LPA: variants seen among roughly 807,000 people sequenced by gnomAD.
LPA encodes lipoprotein(a).
Under a neutral mutation model 197.9 loss-of-function variants are expected in LPA, and 199 were observed. The observed-to-expected ratio is 1.01, with a 90% CI of 0.90 to 1.13. The LOEUF (loss-of-function observed/expected upper bound fraction) is 1.13. Ranked by LOEUF, LPA falls within the 50% of genes most tolerant of loss-of-function variation. LPA has a pLI of 0.00. For missense variants in LPA, 1,853 were observed against 1,785.8 expected, an observed-to-expected ratio of 1.04 and a Z score of -0.68; for synonymous variants, 715 against 639.5, an observed-to-expected ratio of 1.12 and a Z score of -1.78.
intron 27 of LPA, 76 bp downstream of exon 27, chr6:160,578,447 T>C (rs768659501): frequency 1.9e-6 from 3 of 1,573,590 alleles, no homozygotes; most frequent in Admixed American, 1.7e-5. Flanking sequence ...AGTGTACCAC[T>C]GAAGGCTTCT....
intron 16 of LPA, 80 bp downstream of exon 16, chr6:160,611,482 A>G: frequency 6.3e-7 from 1 of 1,580,310 alleles, no homozygotes; most frequent in South Asian, 1.1e-5. Context: ...GAGTTCGGAG[A>G]ACTCAGCTTG....
rs372959678 is a variant in LPA at position 160,550,103 on chromosome 6, C to T, written c.4974-1444G>A. 6.6e-5 allele frequency among the ~76,000 whole-genome samples: 10 copies of T among 152,242 alleles called. No homozygotes were observed. In the East Asian group the frequency reaches 1.7e-3, roughly 26 times the overall value. ...GGGCGCAGTGGCGCACATCTGTAGTCCCAGCTACTCATGAAGCTGAGGCAG... is the reference window on the plus strand; with the variant it reads ...GGGCGCAGTGGCGCACATCTGTAGTTCCAGCTACTCATGAAGCTGAGGCAG... On this transcript the variant is annotated intron_variant, in intron 30 of 38. Coordinates refer to ENST00000316300, the MANE Select transcript of LPA (RefSeq NM_005577.4).
At chr6:160,600,783 C>T (rs1272915360) in intron 19 of LPA, 134 bp downstream of exon 19, 1 of 1,016,574 alleles carries the variant, frequency 9.8e-7, no homozygotes, top group African/African-American at 1.6e-5. Context: ...TGCGCTAAGG[C>T]TTCCTCCCAC....
chr6:160,531,977 C>T (rs1777814265), intron 38 of LPA, 87 bp from the exon 39 acceptor site: 4 of 1,445,772 alleles, frequency 2.8e-6, no homozygotes, highest in South Asian at 1.2e-5. Context: ...TCCATATGTA[C>T]ATTTTCCCAG....
chr6:160,602,862 A>G (rs531513672), intron 18 of LPA, among the ~76,000 whole-genome samples: 1 of 152,252 alleles, frequency 6.6e-6, no homozygotes, highest in African/African-American at 2.4e-5. Context: ...ATGAGAATGC[A>G]TTAGCAATTT....
chr6:160,575,656 T>G (rs1226364936), intron 28 of LPA, among the ~76,000 whole-genome samples: 2 of 152,150 alleles, frequency 1.3e-5, no homozygotes, highest in Non-Finnish European at 2.9e-5. Context: ...CTCTACTGAA[T>G]GCCCAAGATT....
At chr6:160,586,333 C>T in intron 25 of LPA, 116 bp downstream of exon 25, 1 of 1,258,932 alleles carries the variant, frequency 7.9e-7, no homozygotes, top group South Asian at 1.3e-5. Flanking sequence ...ATTGGCTGTC[C>T]ATGACTTCAC....
chr6:160,591,853 T>C (rs924996357), intron 22 of LPA, among the ~76,000 whole-genome samples: 1 of 152,216 alleles, frequency 6.6e-6, no homozygotes, highest in Admixed American at 6.5e-5. Context: ...CCCCTTTCCT[T>C]GTGTCTTATT....
At position 160,585,053 on chromosome 6, in the gene LPA, G is replaced by A. The variant is rs1016345351; in HGVS notation, c.4282C>T (p.Pro1428Ser). The A allele has an allele frequency of 7.4e-6, 12 of 1,613,578 alleles. No individual in the cohort carries two copies. Among genetic ancestry groups the A allele is most frequent in the Non-Finnish European group, 1.0e-5 (12 of 1,179,694 alleles). The part of the protein sequence containing the change: ...HWHRRIPLYY[P>S]NAGLTRNYCR... ...CTAACATGATAGACATACGCATTTGGATAGTATAATGGGATCCTCCGATGC... is the reference window on the plus strand; with the variant it reads ...CTAACATGATAGACATACGCATTTGAATAGTATAATGGGATCCTCCGATGC... Residue 1428 changes from proline to serine, a missense_variant, in exon 26 of 39, where the codon CCA becomes TCA. By Grantham distance (74) the Pro-to-Ser change is moderately conservative. Around this residue, in one of 3 missense-constraint regions of LPA, gnomAD observed 1,737 missense variants for 1,504.4 expected, o/e 1.15. Coordinates refer to ENST00000316300, the MANE Select transcript of LPA (RefSeq NM_005577.4).
At chr6:160,577,340 A>C in intron 27 of LPA, 45 bp from the exon 28 acceptor site, 1 of 1,583,078 alleles carries the variant, frequency 6.3e-7, no homozygotes, top group Non-Finnish European at 8.7e-7. Context: ...TTGCATGAGC[A>C]GAGAAACATG....
At chr6:160,606,744 G>T in intron 16 of LPA, 86 bp from the exon 17 acceptor site, 2 of 1,541,550 alleles carry the variant, frequency 1.3e-6, no homozygotes, top group Non-Finnish European at 1.8e-6. Flanking sequence ...CTGCAACAAG[G>T]TCATTACCAG....
At chr6:160,654,069 ATATAATATATAT>A (rs1780082706) in intron 1 of LPA, among the ~76,000 whole-genome samples, 1 of 57,716 alleles carries the variant, frequency 1.7e-5, no homozygotes, top group African/African-American at 7.9e-5. Context: ...TATATATTAT[ATATAATATATAT>A]TATATATATT....
intron 27 of LPA, among the ~76,000 whole-genome samples, chr6:160,577,667 C>T (rs1039419975): frequency 9.9e-5 from 15 of 152,002 alleles, no homozygotes; most frequent in South Asian, 2.1e-4. Flanking sequence ...AGTCAGGGGC[C>T]GACACAAGAC....
rs771579859 is a variant in LPA, at chr6:160,540,061, G to T, written c.5717C>A (p.Ala1906Asp). ...CGAGTACCTGCTTAGCTTTAGCAAG[G>T]CAATATCTGCTTGTGTGGGCTCCAA... ...LFLEPTQADI[A>D]LLKLSRPAVI... The change falls in exon 36 of 39, where the codon GCC (alanine) becomes GAC (aspartate). Residue 1906 changes from alanine to aspartate, a missense_variant. Physicochemically the swap from Ala to Asp is moderately radical, Grantham distance 126 (BLOSUM62 -2). Transcript: ENST00000316300. The T allele has an allele frequency of 1.9e-6, 3 of 1,614,098 alleles. No individual in the cohort carries two copies. The highest frequency in any genetic ancestry group is 2.5e-6 in the Non-Finnish European group (3 of 1,180,028).
intron 26 of LPA, among the ~76,000 whole-genome samples, chr6:160,579,361 C>T (rs1406928063): frequency 1.3e-5 from 2 of 152,132 alleles, no homozygotes; most frequent in Non-Finnish European, 2.9e-5. Context: ...AAACTAGCTC[C>T]CAGGCAGGAT....
chr6:160,576,394 A>ATGGG (rs1265624695), intron 28 of LPA, among the ~76,000 whole-genome samples: 1 of 53,754 alleles, frequency 1.9e-5, no homozygotes, highest in Non-Finnish European at 4.7e-5. Context: ...ATATATGTAT[A>ATGGG]TATATATATA....
intron 20 of LPA, 116 bp downstream of exon 20, chr6:160,599,384 A>G (rs1439813329): frequency 1.1e-5 from 16 of 1,462,620 alleles, no homozygotes; most frequent in Non-Finnish European, 1.5e-5. Flanking sequence ...CTCACAGGAA[A>G]TGTTCCTCTG....
chr6:160,549,364 A>G (rs965723864), intron 30 of LPA, among the ~76,000 whole-genome samples: 5 of 152,160 alleles, frequency 3.3e-5, no homozygotes, highest in Non-Finnish European at 5.9e-5. Context: ...CCAAGCACAT[A>G]CCCCTAGAGG....
chr6:160,605,222 A>G lies in LPA; in HGVS notation c.2786-17T>C, dbSNP rs1284803419. On this transcript the variant is annotated splice_polypyrimidine_tract_variant and intron_variant, in intron 17 of 38. Coordinates refer to ENST00000316300, the MANE Select transcript of LPA (RefSeq NM_005577.4). ...CAGTTGGTGCTGAAATGAAAAGAAAAGAAATCAAACTGAGTGTTTCCAAGA... is the reference window on the plus strand; with the variant it reads ...CAGTTGGTGCTGAAATGAAAAGAAAGGAAATCAAACTGAGTGTTTCCAAGA... The G allele has an allele frequency of 1.2e-6, 2 of 1,612,538 alleles. No homozygotes were observed. Among genetic ancestry groups the G allele is most frequent in the Admixed American group, 3.3e-5 (2 of 60,004 alleles).
Sources: gnomAD v4.1 joint callset for allele counts (sites outside exome capture counted in the v4.1 genomes callset) on GRCh38, gnomAD v4.1.1 for gene constraint, gnomAD v4.1.1 regional missense constraint, MANE v1.5 for transcripts, NCBI Gene and HGNC (gene_info 2026-07-23, HGNC 2026-07-21) for gene names.